The following NRG3 variants were observed in gnomAD, a reference collection of about 807,000 sequenced individuals.
NRG3 encodes the protein pro-neuregulin-3, membrane-bound isoform.
A neutral mutation model predicts 66.9 loss-of-function variants in NRG3; 31 were observed. The observed-to-expected ratio is 0.46, with a 90% confidence interval of 0.35 to 0.63. The LOEUF is 0.63. Ranked by LOEUF, NRG3 falls within the 20% of genes least tolerant of loss-of-function variation. NRG3 has a pLI of 0.00. For missense variants in NRG3, 910 were observed against 878.9 expected (o/e 1.04, Z -0.45); for synonymous variants, 393 against 359.4 (o/e 1.09, Z -1.06).
intron 1 of NRG3, chr10:81,878,230 A>G (rs1372310235): frequency 1.2e-5 from 8 of 678,268 alleles, no homozygotes; most frequent in African/African-American, 1.8e-5. Flanking sequence ...AATGGTGTCA[A>G]TGTTCACATA....
In NRG3 at chr10:81,875,573, G is replaced by A; in HGVS notation, c.233G>A (p.Gly78Asp). ...CVVPLFIGFI[G>D]LGLSLMLLKW... ...GTACCTCTGTTCATCGGCTTCATCG[G>A]CCTGGGGCTCAGCCTCATGCTTCTC... Residue 78 changes from glycine to aspartate, a missense_variant, in exon 1 of 9, where the codon GGC becomes GAC. Physicochemically the swap from Gly to Asp is moderately conservative, Grantham distance 94. Transcript: ENST00000372141. The surrounding 1 kb of genome is among the most constrained non-coding windows in gnomAD (Gnocchi z 5.3). 1.2e-6 allele frequency: 2 copies of A among 1,613,468 alleles called. No homozygotes were observed. The highest frequency in any genetic ancestry group is 1.7e-6 in the Non-Finnish European group (2 of 1,179,940).
chr10:82,635,468 C>CCTGT (rs531326243), intron 2 of NRG3, among the ~76,000 whole-genome samples: 97 of 151,700 alleles, frequency 6.4e-4, no homozygotes, highest in Admixed American at 1.5e-3. Flanking sequence ...GGGACATATT[C>CCTGT]CTGTCTTCTG....
intron 8 of NRG3, among the ~76,000 whole-genome samples, 167 bp downstream of exon 8, chr10:82,979,287 A>G (rs948752583): frequency 1.3e-5 from 2 of 152,214 alleles, no homozygotes; most frequent in Non-Finnish European, 2.9e-5. Flanking sequence ...TTTGATGTAT[A>G]GTTGTGATGG....
At chr10:82,315,168 C>T (rs2081230842) in intron 1 of NRG3, among the ~76,000 whole-genome samples, 1 of 152,098 alleles carries the variant, frequency 6.6e-6, no homozygotes, top group African/African-American at 2.4e-5. Flanking sequence ...TATTAGAGCT[C>T]ATTTCAAAGA....
At chr10:82,344,365 C>G (rs900367834) in intron 1 of NRG3, among the ~76,000 whole-genome samples, 42 of 151,482 alleles carry the variant, frequency 2.8e-4, no homozygotes, top group African/African-American at 1.0e-3. Context: ...TTTCCACTTT[C>G]ATCCATGTCC....
At chr10:82,058,476 A>G (rs1363883485) in intron 1 of NRG3, among the ~76,000 whole-genome samples, 1 of 151,648 alleles carries the variant, frequency 6.6e-6, no homozygotes, top group African/African-American at 2.4e-5. Flanking sequence ...TCATCTGTAG[A>G]ATATAAATGA....
At chr10:82,606,499 T>C (rs1265098890) in intron 2 of NRG3, among the ~76,000 whole-genome samples, 1 of 152,178 alleles carries the variant, frequency 6.6e-6, no homozygotes, top group African/African-American at 2.4e-5. Flanking sequence ...TGTGATTGAA[T>C]GAAGCATTCT....
chr10:82,047,543 CA>C (rs1301084843), intron 1 of NRG3, among the ~76,000 whole-genome samples: 112 of 151,716 alleles, frequency 7.4e-4, no homozygotes, highest in African/African-American at 2.6e-3. Flanking sequence ...TACAGACAAG[CA>C]AATGTTGAGA....
At chr10:82,766,404 C>G (rs1469391802) in intron 3 of NRG3, among the ~76,000 whole-genome samples, 2 of 152,106 alleles carry the variant, frequency 1.3e-5, no homozygotes, top group African/African-American at 4.8e-5. Context: ...TAGTCACAGA[C>G]TTAGAAAACA....
intron 3 of NRG3, among the ~76,000 whole-genome samples, chr10:82,760,691 T>A (rs1056414528): frequency 2.0e-5 from 3 of 151,826 alleles, no homozygotes; most frequent in African/African-American, 4.8e-5. Flanking sequence ...AAAAAATAAA[T>A]AAATAGAGAA....
At chr10:82,124,327 A>G (rs1004956242) in intron 1 of NRG3, among the ~76,000 whole-genome samples, 1 of 152,088 alleles carries the variant, frequency 6.6e-6, no homozygotes, top group African/African-American at 2.4e-5. Context: ...GGCTGTAGTA[A>G]TTATTAACTT....
chr10:82,172,928 C>T (rs1173038147), intron 1 of NRG3, among the ~76,000 whole-genome samples: 1 of 152,078 alleles, frequency 6.6e-6, no homozygotes, highest in Admixed American at 6.6e-5. Flanking sequence ...ACCTCTCTCT[C>T]TATTACTTTT....
At chr10:82,874,524 A>G (rs1198733662) in intron 4 of NRG3, among the ~76,000 whole-genome samples, 1 of 151,824 alleles carries the variant, frequency 6.6e-6, no homozygotes, top group African/African-American at 2.4e-5. Context: ...ATATGCATAG[A>G]TGTGTGTTTG....
chr10:82,682,790 A>G (rs1472745215), intron 2 of NRG3, among the ~76,000 whole-genome samples: 3 of 152,080 alleles, frequency 2.0e-5, no homozygotes, highest in African/African-American at 7.2e-5. Flanking sequence ...ACTCCCATAT[A>G]TAATCTATAC....
rs546225904 is a variant in NRG3, at chr10:82,586,032, A to G, written c.954-152545A>G. 1.7e-4 allele frequency among the ~76,000 whole-genome samples: 26 copies of G among 152,248 alleles called. No homozygotes were observed. In the South Asian group the frequency reaches 5.2e-3, roughly 30 times the overall value. ...TAAAGTGACTAAAATAGGGAAGAATATTTCTTGTTTTGAAGGAGCATAATG... is the reference window on the plus strand; with the variant it reads ...TAAAGTGACTAAAATAGGGAAGAATGTTTCTTGTTTTGAAGGAGCATAATG... On this transcript the variant is annotated intron_variant, in intron 2 of 8. Coordinates refer to ENST00000372141, the MANE Select transcript of NRG3 (RefSeq NM_001010848.4).
intron 3 of NRG3, among the ~76,000 whole-genome samples, chr10:82,755,636 C>G (rs2059046766): frequency 6.6e-6 from 1 of 151,992 alleles, no homozygotes; most frequent in African/African-American, 2.4e-5. Context: ...TTCTTCCAAC[C>G]AAAGGAAATT....
At chr10:82,551,541 C>G (rs1385064153) in intron 2 of NRG3, among the ~76,000 whole-genome samples, 1 of 151,578 alleles carries the variant, frequency 6.6e-6, no homozygotes, top group African/African-American at 2.4e-5. Flanking sequence ...GTTGGTTATA[C>G]AGCAGACTAG....
At chr10:82,226,396 C>G (rs1387287156) in intron 1 of NRG3, among the ~76,000 whole-genome samples, 5 of 152,136 alleles carry the variant, frequency 3.3e-5, no homozygotes, top group Non-Finnish European at 7.4e-5. Context: ...TTTAGAAGTG[C>G]AGAAAGGCAT....
chr10:82,130,903 T>C (rs2068776964), intron 1 of NRG3, among the ~76,000 whole-genome samples: 1 of 152,200 alleles, frequency 6.6e-6, no homozygotes, highest in Admixed American at 6.6e-5. Context: ...ACTTTTTTCC[T>C]ATGGAGTTGT....
Sources: gnomAD v4.1 joint callset for allele counts (sites outside exome capture counted in the v4.1 genomes callset) on GRCh38, gnomAD v4.1.1 for gene constraint, Gnocchi (gnomAD v3.1) non-coding constraint, MANE v1.5 for transcripts, NCBI Gene and HGNC (gene_info 2026-07-23, HGNC 2026-07-21) for gene names.